The following DNAAF9 variants were observed in gnomAD, a reference collection of about 807,000 sequenced individuals.
DNAAF9 encodes shulin.
Under a neutral mutation model 167.0 loss-of-function variants are expected in DNAAF9, and 90 were observed. That is an observed-to-expected ratio of 0.54 (90% CI 0.45 to 0.64). The LOEUF is 0.64. DNAAF9 is among the 30% of genes least tolerant of loss of function. The pLI, the probability that DNAAF9 is intolerant of heterozygous loss-of-function variation, is 0.00. For missense variants in DNAAF9, 1,315 were observed against 1,442.2 expected (o/e 0.91, Z 1.43); for synonymous variants, 491 against 508.8 (o/e 0.96, Z 0.47).
intron 6 of DNAAF9, among the ~76,000 whole-genome samples, chr20:3,369,517 C>T (rs549585685): frequency 2.4e-4 from 36 of 152,132 alleles, no homozygotes; most frequent in African/African-American, 8.4e-4. Flanking sequence ...GCTGGGACTA[C>T]AGGCGTGTGC....
intron 25 of DNAAF9, among the ~76,000 whole-genome samples, chr20:3,292,340 C>T (rs895926053): frequency 6.6e-6 from 1 of 152,158 alleles, no homozygotes; most frequent in Non-Finnish European, 1.5e-5. Flanking sequence ...GTATGCTTTA[C>T]AAACAGATGC....
chr20:3,348,573 G>C lies in DNAAF9; in HGVS notation c.741C>G (p.Asp247Glu). 3 of 1,605,122 alleles carry C rather than the reference G, an allele frequency of 1.9e-6. No homozygotes were observed. The highest frequency in any genetic ancestry group is 2.6e-6 in the Non-Finnish European group (3 of 1,174,708). Residue 247 changes from aspartate (D) to glutamate (E), a missense_variant, in exon 8 of 37, where the codon GAC (aspartate) becomes GAG (glutamate). Coordinates refer to ENST00000252032, the MANE Select transcript of DNAAF9 (RefSeq NM_001009984.3). The part of the protein sequence containing the change: ...HQWTSFFANF[D>E]TEIPFLLELS... ...GTTCTAGCAGGAAAGGAATTTCTGT[G>C]TCAAAATTAGCGAAGAAGCTAGTCC...
intron 30 of DNAAF9, among the ~76,000 whole-genome samples, chr20:3,265,026 AT>A (rs992431860): frequency 5.3e-5 from 8 of 152,292 alleles, no homozygotes; most frequent in African/African-American, 1.9e-4. Context: ...GAACAAGGAC[AT>A]TCTCTTACAG....
chr20:3,377,253 TG>T (rs1367436810), intron 3 of DNAAF9, among the ~76,000 whole-genome samples: 1 of 152,152 alleles, frequency 6.6e-6, no homozygotes, highest in Non-Finnish European at 1.5e-5. Context: ...TGATCTCCCC[TG>T]GATCAGGAAA....
chr20:3,326,155 A>T, intron 13 of DNAAF9, 42 bp downstream of exon 13: 1 of 1,350,716 alleles, frequency 7.4e-7, no homozygotes, highest in Non-Finnish European at 1.1e-6. Context: ...GTTTTACATT[A>T]AAATAATAAT....
At chr20:3,274,088 A>T (rs971896481) in intron 29 of DNAAF9, among the ~76,000 whole-genome samples, 8 of 152,154 alleles carry the variant, frequency 5.3e-5, no homozygotes, top group Non-Finnish European at 1.0e-4. Flanking sequence ...AAAGAAAAAA[A>T]GTTCTTTTGA....
intron 7 of DNAAF9, among the ~76,000 whole-genome samples, chr20:3,357,621 C>T (rs1221104470): frequency 8.1e-6 from 1 of 123,494 alleles, no homozygotes; most frequent in Non-Finnish European, 1.8e-5. Context: ...TCCTTCCTCA[C>T]CCATCCAGCT....
At chr20:3,327,048 C>A (rs1040658201) in intron 12 of DNAAF9, among the ~76,000 whole-genome samples, 3 of 152,130 alleles carry the variant, frequency 2.0e-5, no homozygotes, top group South Asian at 2.1e-4. Flanking sequence ...ATTACTGGAA[C>A]CTCCGGGTAG....
chr20:3,393,166 TTTTATTTA>T (rs544302269), intron 1 of DNAAF9, among the ~76,000 whole-genome samples: 2 of 151,976 alleles, frequency 1.3e-5, no homozygotes, highest in African/African-American at 4.8e-5. Context: ...GTTGAATACC[TTTTATTTA>T]TTTATTTATT....
intron 16 of DNAAF9, among the ~76,000 whole-genome samples, chr20:3,318,703 G>A (rs1271063583): frequency 1.3e-5 from 2 of 152,088 alleles, no homozygotes; most frequent in Non-Finnish European, 2.9e-5. Context: ...GCTCATGCCT[G>A]TAATCCCAGT....
At chr20:3,291,360 T>A (rs1053920154) in intron 25 of DNAAF9, among the ~76,000 whole-genome samples, 1 of 150,974 alleles carries the variant, frequency 6.6e-6, no homozygotes, top group Admixed American at 6.6e-5. Context: ...TTTTTTTTTT[T>A]TTGAGACGGA....
At chr20:3,330,507 G>A in intron 12 of DNAAF9, 139 bp downstream of exon 12, 1 of 602,050 alleles carries the variant, frequency 1.7e-6, no homozygotes, top group Non-Finnish European at 3.0e-6. Context: ...TTCCGAAAAT[G>A]TTGGGATTAC....
chr20:3,407,351 G>T, intron 1 of DNAAF9, 124 bp downstream of exon 1: 1 of 827,956 alleles, frequency 1.2e-6, no homozygotes. Flanking sequence ...TCCCTGAGCC[G>T]TTCAGCAAAG....
Position 3,407,617 on chromosome 20 carries a change from C to T in DNAAF9, c.-60G>A, listed in dbSNP as rs1228619345. On this transcript the variant is annotated 5_prime_UTR_variant, in exon 1 of 37. Transcript: ENST00000252032. ...CAGCTGCGAGGGTCTCAGTTGCCCG[C>T]AGGGCGGCTCCACGCTAGCTGCGGC... 6 of 1,198,976 alleles carry T rather than the reference C, an allele frequency of 5.0e-6. No individual in the cohort carries two copies. Among genetic ancestry groups the T allele is most frequent in the Non-Finnish European group, 6.2e-6 (6 of 966,838 alleles). 74.3% of individuals were successfully genotyped at this position (1,198,976 alleles called of 1,614,324 possible).
chr20:3,321,743 A>G lies in DNAAF9; in HGVS notation c.1356+474T>C, dbSNP rs183919131. 4.7e-3 allele frequency among the ~76,000 whole-genome samples: 709 copies of G among 152,050 alleles called. 2 individuals are homozygous for G. The highest frequency in any genetic ancestry group is 7.9e-3 in the Non-Finnish European group (540 of 68,000). ...GCCACCACACCTGCCTAATTAAAAA[A>G]ATTTTTTTTTTTAGACACGGGGTCT... On this transcript the variant is annotated intron_variant, in intron 16 of 36. Transcript: ENST00000252032.
chr20:3,370,048 T>C (rs780224926), intron 6 of DNAAF9, among the ~76,000 whole-genome samples: 1 of 152,220 alleles, frequency 6.6e-6, no homozygotes, highest in Non-Finnish European at 1.5e-5. Flanking sequence ...GGCTTCCTAT[T>C]CATACTTTGA....
intron 28 of DNAAF9, 39 bp downstream of exon 28, chr20:3,281,602 T>C (rs1224437166): frequency 5.2e-6 from 8 of 1,543,128 alleles, no homozygotes; most frequent in Non-Finnish European, 7.0e-6. Flanking sequence ...TGGAAACAAA[T>C]CACTTTCAGT....
intron 30 of DNAAF9, among the ~76,000 whole-genome samples, chr20:3,266,104 GTCTGTT>G (rs2122779260): frequency 1.3e-5 from 2 of 152,282 alleles, no homozygotes; most frequent in South Asian, 2.1e-4. Flanking sequence ...ACTTGGATTT[GTCTGTT>G]TCTAATTCTC....
intron 25 of DNAAF9, 104 bp from the exon 26 acceptor site, chr20:3,290,321 C>T: frequency 1.3e-6 from 1 of 751,908 alleles, no homozygotes; most frequent in Admixed American, 1.8e-5. Context: ...GGGTGTGAAC[C>T]TCAGTATGAC....
Sources: gnomAD v4.1 joint callset for allele counts (sites outside exome capture counted in the v4.1 genomes callset) on GRCh38, gnomAD v4.1.1 for gene constraint, MANE v1.5 for transcripts, NCBI Gene and HGNC (gene_info 2026-07-23, HGNC 2026-07-21) for gene names.